DGKH: variants seen among roughly 807,000 people sequenced by gnomAD.
DGKH encodes DAG kinase eta.
In DGKH, 90 loss-of-function variants were observed where a neutral mutation model predicts 159.3. That is an observed-to-expected ratio of 0.57 (90% CI 0.48 to 0.67). The LOEUF is 0.67. DGKH is among the 30% of genes least tolerant of loss of function. The pLI, the probability that DGKH is intolerant of heterozygous loss-of-function variation, is 0.00. For missense variants in DGKH, 1,181 were observed against 1,506.1 expected, an observed-to-expected ratio of 0.78 and a Z score of 3.57; for synonymous variants, 536 against 553.8, an observed-to-expected ratio of 0.97 and a Z score of 0.45.
chr13:42,250,813 T>A (rs1003494059), intron 29 of DGKH, among the ~76,000 whole-genome samples: 4 of 152,230 alleles, frequency 2.6e-5, no homozygotes, highest in African/African-American at 9.6e-5. Flanking sequence ...TAGAAGCTCA[T>A]TACTGCATGA....
chr13:42,100,303 G>A (rs1318048439), intron 1 of DGKH, among the ~76,000 whole-genome samples: 1 of 152,198 alleles, frequency 6.6e-6, no homozygotes, highest in Admixed American at 6.5e-5. Flanking sequence ...AGATGGGACT[G>A]TCTAGTTGCA....
At chr13:42,096,902 T>C (rs1954550471) in intron 1 of DGKH, among the ~76,000 whole-genome samples, 1 of 152,172 alleles carries the variant, frequency 6.6e-6, no homozygotes, top group Admixed American at 6.5e-5. Context: ...CTGAAGATGG[T>C]TCCATTTTTC....
chr13:42,092,625 CT>C (rs2137750789), intron 1 of DGKH, among the ~76,000 whole-genome samples: 1 of 152,020 alleles, frequency 6.6e-6, no homozygotes, highest in East Asian at 1.9e-4. Flanking sequence ...ATGAAAGAGT[CT>C]GGTTAATGGT....
In DGKH at chr13:42,240,658, A is replaced by G. The variant is rs1958497945; in HGVS notation, c.*11470A>G. 6.6e-6 allele frequency: 1 copy of G among 152,194 alleles called. No homozygotes were observed. Among genetic ancestry groups the G allele is most frequent in the Admixed American group, 6.5e-5 (1 of 15,284 alleles). The allele number at this position is 152,194 out of a possible 1,614,324, so 9.4% of individuals were successfully genotyped here. On this transcript the variant is annotated 3_prime_UTR_variant, in exon 30 of 30. Coordinates refer to ENST00000337343, the MANE Select transcript of DGKH (RefSeq NM_178009.5). ...TTAGAGTTATTAATGTAAACATAAGAAGGCTTGTGACTCTTATCACCCTCT... is the reference window on the plus strand; with the variant it reads ...TTAGAGTTATTAATGTAAACATAAGGAGGCTTGTGACTCTTATCACCCTCT...
chr13:42,080,720 T>TC (rs576313557), intron 1 of DGKH, among the ~76,000 whole-genome samples: 150 of 152,300 alleles, frequency 9.8e-4, no homozygotes, highest in African/African-American at 3.5e-3. Flanking sequence ...CTTTTTTTTT[T>TC]CTTGAAATCT....
Position 42,135,211 on chromosome 13 carries a change from A to T in DGKH, c.384+5579A>T, listed in dbSNP as rs368527415. On this transcript the variant is annotated intron_variant, in intron 3 of 29. Transcript: ENST00000337343. Reference sequence around the variant, plus strand: ...GGTTAATGTTTATTAATATATTTGTAGTTCAAGCCAGGCATGGTGGCTCAT... The same window carrying T: ...GGTTAATGTTTATTAATATATTTGTTGTTCAAGCCAGGCATGGTGGCTCAT... Among the ~76,000 whole-genome samples, 61 of 151,976 alleles carry T rather than the reference A, an allele frequency of 4.0e-4. No homozygotes were observed. The East Asian group carries it at 9.3e-3, about 23-fold the overall frequency.
chr13:42,079,240 T>C (rs1420146307), intron 1 of DGKH, among the ~76,000 whole-genome samples: 1 of 152,120 alleles, frequency 6.6e-6, no homozygotes, highest in African/African-American at 2.4e-5. Flanking sequence ...TTTAAAAATA[T>C]ATGTACAAAG....
chr13:42,143,083 T>G (rs1341509787), intron 3 of DGKH, among the ~76,000 whole-genome samples: 2 of 148,182 alleles, frequency 1.3e-5, no homozygotes, highest in Non-Finnish European at 3.0e-5. Context: ...CAATACCTAA[T>G]TTTTTTGAGA....
intron 5 of DGKH, 22 bp from the exon 6 acceptor site, chr13:42,159,244 C>CATTTTTTTTTTTTTTTTT: frequency 4.7e-6 from 1 of 213,284 alleles, no homozygotes; most frequent in Non-Finnish European, 8.1e-6. Flanking sequence ...AGCAGTTGCT[C>CATTTTTTTTTTTTTTTTT]TTTTTTTTTT....
At chr13:42,214,813 A>G (rs1957747959) in intron 25 of DGKH, among the ~76,000 whole-genome samples, 1 of 151,776 alleles carries the variant, frequency 6.6e-6, no homozygotes, top group Admixed American at 6.6e-5. Context: ...AAATTCTCTC[A>G]TTTTTTATGT....
chr13:42,091,298 GA>G (rs1273939694), intron 1 of DGKH, among the ~76,000 whole-genome samples: 2 of 151,854 alleles, frequency 1.3e-5, no homozygotes, highest in African/African-American at 4.8e-5. Flanking sequence ...GATAATAAAA[GA>G]AAAAATAAAT....
At chr13:42,201,736 GATTAAAATAA>G (rs1388885938) in intron 20 of DGKH, among the ~76,000 whole-genome samples, 1 of 152,052 alleles carries the variant, frequency 6.6e-6, no homozygotes. Context: ...TTACCAATAA[GATTAAAATAA>G]ATTAACAACA....
At chr13:42,177,712 T>C (rs1163278490) in intron 12 of DGKH, among the ~76,000 whole-genome samples, 1 of 152,174 alleles carries the variant, frequency 6.6e-6, no homozygotes, top group Non-Finnish European at 1.5e-5. Context: ...TGGTACTGCA[T>C]TGTGGTTTTA....
At position 42,150,907 on chromosome 13, in the gene DGKH, AT is replaced by A. The variant is rs200473785; in HGVS notation, c.385-4383del. ...TCTTCATATGAGATGATCCTGGATT[AT>A]CTAGGTGGGCCCAGTGCAATAAGAG... On this transcript the variant is annotated intron_variant, in intron 3 of 29. Coordinates refer to ENST00000337343, the MANE Select transcript of DGKH (RefSeq NM_178009.5). 3.5e-3 allele frequency among the ~76,000 whole-genome samples: 540 copies of A among 152,252 alleles called. 8 individuals are homozygous for A. In the East Asian group the frequency reaches 0.047, roughly 13 times the overall value.
chr13:42,160,217 C>A, intron 7 of DGKH, 81 bp downstream of exon 7: 3 of 1,594,590 alleles, frequency 1.9e-6, no homozygotes, highest in Non-Finnish European at 2.6e-6. Context: ...AGAGGCAAAG[C>A]AAAGAATTTA....
rs1420642995 is a variant in DGKH, at chr13:42,242,283, A to G, written c.*13095A>G. ...GGTATTTTAAATTTAGCCTTGCCGT[A>G]TTATTTATAGTTAGGAATTTACTAC... On this transcript the variant is annotated 3_prime_UTR_variant, in exon 30 of 30. Coordinates refer to ENST00000337343, the MANE Select transcript of DGKH (RefSeq NM_178009.5). The G allele has an allele frequency of 6.6e-6, 1 of 152,198 alleles. No individual in the cohort carries two copies. The highest frequency in any genetic ancestry group is 1.9e-4 in the East Asian group (1 of 5,204). 9.4% of individuals were successfully genotyped at this position (152,198 alleles called of 1,614,324 possible).
intron 3 of DGKH, among the ~76,000 whole-genome samples, chr13:42,135,362 C>CAT (rs140487721): frequency 0.13 from 19,115 of 150,950 alleles, 1,571 homozygotes; most frequent in Admixed American, 0.22. Flanking sequence ...AACTGAGCAT[C>CAT]GTGGTGCATG....
At chr13:42,114,255 C>T (rs1954923320) in intron 1 of DGKH, among the ~76,000 whole-genome samples, 2 of 152,146 alleles carry the variant, frequency 1.3e-5, no homozygotes, top group South Asian at 4.1e-4. Flanking sequence ...GATGACCCGC[C>T]ACAAAATAGG....
At position 42,221,370 on chromosome 13, in the gene DGKH, G is replaced by C. The variant is rs141670706; in HGVS notation, c.3549G>C (p.Leu1183Phe). ...ATGACATCAGAGGGGCTGAACTTTT[G>C]CATCTGGAAAGGCGAGATCTTAAGG... is the stretch of plus-strand genomic sequence containing the variant. ...IRHDIRGAELLHLERRDLKDL... is the reference protein window; with the variant it reads ...IRHDIRGAELFHLERRDLKDL... The change falls in exon 29 of 30, where the codon TTG becomes TTC. Residue 1183 changes from leucine (L) to phenylalanine (F), a missense_variant. By Grantham distance (22) the Leu-to-Phe change is conservative. This residue lies in a region of DGKH where 84 missense variants were observed against 77.9 expected (regional missense o/e 1.08). Coordinates refer to ENST00000337343, the MANE Select transcript of DGKH (RefSeq NM_178009.5). 27 of 1,613,510 alleles carry C rather than the reference G, an allele frequency of 1.7e-5. No individual in the cohort carries two copies. Among genetic ancestry groups the C allele is most frequent in the Non-Finnish European group, 2.3e-5 (27 of 1,179,654 alleles).
Sources: allele counts gnomAD v4.1 joint callset (sites outside exome capture counted in the v4.1 genomes callset), GRCh38; gene constraint gnomAD v4.1.1; regional missense constraint gnomAD v4.1.1; transcripts MANE v1.5; gene names NCBI Gene and HGNC (gene_info 2026-07-23, HGNC 2026-07-21).